IYD: variants seen among roughly 807,000 people sequenced by gnomAD.
IYD encodes the protein iodotyrosine deiodinase.
Under a neutral mutation model 28.4 loss-of-function variants are expected in IYD, and 25 were observed. The observed-to-expected ratio is 0.88, with a 90% CI of 0.64 to 1.23. The LOEUF (loss-of-function observed/expected upper bound fraction) is 1.23. IYD is among the 50% of genes most tolerant of loss of function. The probability of loss-of-function intolerance (pLI) is 0.00; values close to 1 mark genes in which losing one functional copy is unlikely to be tolerated. For synonymous variants in IYD, 140 were observed against 130.8 expected (o/e 1.07, Z -0.48); for missense variants, 352 against 357.9 (o/e 0.98, Z 0.13).
intron 1 of IYD, among the ~76,000 whole-genome samples, chr6:150,374,757 T>A (rs1214212330): frequency 6.6e-6 from 1 of 152,160 alleles, no homozygotes; most frequent in East Asian, 1.9e-4. Context: ...CACTTTGCAA[T>A]ATGTATTTGT....
At position 150,392,429 on chromosome 6, in the gene IYD, TC is replaced by T; in HGVS notation, c.456del (p.Ile153LeufsTer10). ...DPDVKHKIRK[I>X]IEEEEEINYM... ...GACGTGAAGCACAAGATTCGAAAGA[TC>T]ATTGAGGAGGAAGAGGAGATCAACT... is the stretch of plus-strand genomic sequence containing the variant. On this transcript the variant is annotated frameshift_variant, in exon 3 of 5. Coordinates refer to ENST00000344419, the MANE Select transcript of IYD (RefSeq NM_203395.3). LOFTEE classifies it high-confidence loss of function. The T allele has an allele frequency of 6.2e-7, 1 of 1,613,868 alleles. No homozygotes were observed. Among genetic ancestry groups the T allele is most frequent in the Non-Finnish European group, 8.5e-7 (1 of 1,179,858 alleles).
At chr6:150,386,818 T>C (rs1333406302) in intron 1 of IYD, among the ~76,000 whole-genome samples, 1 of 152,202 alleles carries the variant, frequency 6.6e-6, no homozygotes, top group East Asian at 1.9e-4. Context: ...AGTTATGTGA[T>C]GCATGGTATG....
intron 1 of IYD, among the ~76,000 whole-genome samples, chr6:150,369,727 C>T (rs576173011): frequency 9.2e-4 from 140 of 152,256 alleles, no homozygotes; most frequent in African/African-American, 3.0e-3. Flanking sequence ...GAGACAGACC[C>T]GGTGGAACTG....
intron 4 of IYD, chr6:150,396,665 G>A (rs1256525570): frequency 1.0e-5 from 4 of 396,840 alleles, no homozygotes; most frequent in Non-Finnish European, 1.3e-5. Flanking sequence ...ACGAGGTCAG[G>A]AGATCGAGAC....
chr6:150,385,088 G>A (rs756026688), intron 1 of IYD: 6 of 152,214 alleles, frequency 3.9e-5, no homozygotes, highest in African/African-American at 1.2e-4. Context: ...AACAGAAGAA[G>A]TGGCAGAAGC....
chr6:150,386,674 G>C (rs533111421), intron 1 of IYD, among the ~76,000 whole-genome samples: 1 of 152,080 alleles, frequency 6.6e-6, no homozygotes, highest in Non-Finnish European at 1.5e-5. Context: ...TTAAAAGTCT[G>C]TCTTGAGGTC....
intron 1 of IYD, among the ~76,000 whole-genome samples, chr6:150,371,305 G>A (rs917714298): frequency 1.3e-5 from 2 of 152,196 alleles, no homozygotes; most frequent in Non-Finnish European, 2.9e-5. Flanking sequence ...AGGAAATTGA[G>A]GCCCCAATAG....
intron 1 of IYD, among the ~76,000 whole-genome samples, chr6:150,382,860 T>C (rs1777701063): frequency 6.6e-6 from 1 of 152,256 alleles, no homozygotes; most frequent in Admixed American, 6.5e-5. Context: ...GTCTTGTATT[T>C]CTTTGGACAT....
In IYD at chr6:150,392,516, G is replaced by A; in HGVS notation, c.530+12G>A. 1 of 1,613,448 alleles carries A rather than the reference G, an allele frequency of 6.2e-7. No individual in the cohort carries two copies. The highest frequency in any genetic ancestry group is 8.5e-7 in the Non-Finnish European group (1 of 1,179,652). The stretch of plus-strand genomic sequence containing the variant: ...CTCAAGAAACTGAGGTACAAACAGT[G>A]GTGGAACTGGGGATGTTTGCCTTGG... On this transcript the variant is annotated intron_variant, in intron 3 of 4. Coordinates refer to ENST00000344419, the MANE Select transcript of IYD (RefSeq NM_203395.3).
At position 150,392,446 on chromosome 6, in the gene IYD, G is replaced by C; in HGVS notation, c.472G>C (p.Glu158Gln). Residue 158 changes from glutamate to glutamine, a missense_variant, in exon 3 of 5, where the codon GAG (glutamate) becomes CAG (glutamine). Coordinates refer to ENST00000344419, the MANE Select transcript of IYD (RefSeq NM_203395.3). ...KIRKIIEEEE[E>Q]INYMKRMGHR... ...TCGAAAGATCATTGAGGAGGAAGAG[G>C]AGATCAACTACATGAAAAGGATGGG... is the stretch of plus-strand genomic sequence containing the variant. 1.2e-6 allele frequency: 2 copies of C among 1,613,968 alleles called. No individual in the cohort carries two copies. The highest frequency in any genetic ancestry group is 1.7e-4 in the Middle Eastern group (1 of 6,052).
rs151181823 is a variant in IYD at position 150,392,355 on chromosome 6, G to A, written c.381G>A (p.Pro127=). Residue 127 remains proline, a synonymous_variant, in exon 3 of 5, where the codon CCG becomes CCA. Transcript: ENST00000344419. Reference sequence around the variant, plus strand: ...TGGAATGGGTGACAGGAACAGCCCCGAGTGGGGCTCACACAGAGCCCTGGA... The same window carrying A: ...TGGAATGGGTGACAGGAACAGCCCCAAGTGGGGCTCACACAGAGCCCTGGA... ...DNVIRTAGTA[P]SGAHTEPWTF... The A allele has an allele frequency of 6.4e-4, 1,035 of 1,613,358 alleles. 1 individual carries two copies. Among genetic ancestry groups the A allele is most frequent in the Non-Finnish European group, 8.2e-4 (969 of 1,179,848 alleles).
At position 150,404,226 on chromosome 6, in the gene IYD, A is replaced by G. The variant is rs1199711891; in HGVS notation, c.*5989A>G. 6.6e-6 allele frequency: 1 copy of G among 152,246 alleles called. No homozygotes were observed. The highest frequency in any genetic ancestry group is 1.5e-5 in the Non-Finnish European group (1 of 68,046). The allele number at this position is 152,246 out of a possible 1,614,324, so 9.4% of individuals were successfully genotyped here. On this transcript the variant is annotated 3_prime_UTR_variant, in exon 5 of 5. Coordinates refer to ENST00000344419, the MANE Select transcript of IYD (RefSeq NM_203395.3). ...TGATTTTCCAACTCTGGGAATGTGT[A>G]GAATTCATTATGGAAATAATGCAAT...
At chr6:150,377,346 C>T (rs1274324644) in intron 1 of IYD, among the ~76,000 whole-genome samples, 1 of 152,162 alleles carries the variant, frequency 6.6e-6, no homozygotes, top group African/African-American at 2.4e-5. Flanking sequence ...CCACATTCCT[C>T]GGGAGCAGTC....
chr6:150,382,912 G>A (rs1379255614), intron 1 of IYD, among the ~76,000 whole-genome samples: 1 of 152,110 alleles, frequency 6.6e-6, no homozygotes, highest in Non-Finnish European at 1.5e-5. Flanking sequence ...GATAACTCCA[G>A]TATCATAAGT....
chr6:150,389,202 G>C, intron 1 of IYD, 150 bp from the exon 2 acceptor site: 1 of 638,626 alleles, frequency 1.6e-6, no homozygotes, highest in Non-Finnish European at 2.8e-6. Context: ...TCAGTGGTAA[G>C]GATTCTGTAA....
intron 1 of IYD, among the ~76,000 whole-genome samples, chr6:150,386,148 A>G (rs1211677342): frequency 1.3e-5 from 2 of 151,664 alleles, no homozygotes; most frequent in African/African-American, 4.8e-5. Flanking sequence ...TTTTTCTACT[A>G]TCTTTGGTTT....
At position 150,392,430 on chromosome 6, in the gene IYD, C is replaced by A. The variant is rs758876253; in HGVS notation, c.456C>A (p.Ile152=). ...DPDVKHKIRK[I]IEEEEEINYM... ...ACGTGAAGCACAAGATTCGAAAGAT[C>A]ATTGAGGAGGAAGAGGAGATCAACT... Residue 152 remains isoleucine (I), a synonymous_variant, in exon 3 of 5, where the codon ATC becomes ATA. Coordinates refer to ENST00000344419, the MANE Select transcript of IYD (RefSeq NM_203395.3). 2 of 1,613,862 alleles carry A rather than the reference C, an allele frequency of 1.2e-6. No individual in the cohort carries two copies. Among genetic ancestry groups the A allele is most frequent in the East Asian group, 2.2e-5 (1 of 44,862 alleles).
intron 1 of IYD, among the ~76,000 whole-genome samples, chr6:150,369,826 T>G (rs1269053302): frequency 6.6e-6 from 1 of 151,926 alleles, no homozygotes; most frequent in Non-Finnish European, 1.5e-5. Context: ...AGGGTACAAA[T>G]AGCAAGTGCT....
chr6:150,395,606 A>G (rs1197264380), intron 4 of IYD: 1 of 1,470,974 alleles, frequency 6.8e-7, no homozygotes, highest in East Asian at 2.5e-5. Context: ...TTTGCCATTG[A>G]GTTTGCTGCC....
Sources: allele counts gnomAD v4.1 joint callset (sites outside exome capture counted in the v4.1 genomes callset), GRCh38; gene constraint gnomAD v4.1.1; transcripts MANE v1.5; gene names NCBI Gene and HGNC (gene_info 2026-07-23, HGNC 2026-07-21).